The following ZC3H8 variants were observed in gnomAD, a reference collection of about 807,000 sequenced individuals.
ZC3H8 encodes the protein zinc finger CCCH-type containing 8, also known as zinc finger CCCH domain-containing protein 8.
A neutral mutation model predicts 42.5 loss-of-function variants in ZC3H8; 27 were observed. That is an observed-to-expected ratio of 0.64 (90% confidence interval 0.47 to 0.88). ZC3H8 has a LOEUF of 0.88. Among genes scored for constraint, ZC3H8 ranks in the 40% least tolerant of loss-of-function variants. The pLI is 0.00. For missense variants in ZC3H8, 277 were observed against 336.1 expected (o/e 0.82, Z 1.37); for synonymous variants, 101 against 110.1 (o/e 0.92, Z 0.52).
At chr2:112,226,230 A>T (rs540612207) in intron 8 of ZC3H8, among the ~76,000 whole-genome samples, 13 of 151,766 alleles carry the variant, frequency 8.6e-5, no homozygotes, top group South Asian at 4.2e-4. Context: ...TTTTTTTTTT[A>T]AAAAAGAAAA....
At chr2:112,236,501 A>C in intron 4 of ZC3H8, 61 bp downstream of exon 4, 1 of 1,583,068 alleles carries the variant, frequency 6.3e-7, no homozygotes, top group Non-Finnish European at 8.6e-7. Context: ...TCACTGAAGT[A>C]TAAGATCAAG....
chr2:112,251,537 T>C (rs760922710), intron 1 of ZC3H8, among the ~76,000 whole-genome samples: 1 of 152,188 alleles, frequency 6.6e-6, no homozygotes, highest in Non-Finnish European at 1.5e-5. Context: ...ATGACCTCAA[T>C]AGCAGTAACA....
chr2:112,251,209 C>T (rs1685934204), intron 1 of ZC3H8, among the ~76,000 whole-genome samples: 1 of 152,148 alleles, frequency 6.6e-6, no homozygotes, highest in Non-Finnish European at 1.5e-5. Context: ...GAATGTGTCC[C>T]ATCTCAAGAG....
chr2:112,219,223 A>G (rs1458425287), intron 8 of ZC3H8, among the ~76,000 whole-genome samples: 1 of 152,202 alleles, frequency 6.6e-6, no homozygotes, highest in Non-Finnish European at 1.5e-5. Context: ...GTGTGCTAAC[A>G]GCATAAAAGA....
chr2:112,238,812 G>T (rs143578558), intron 2 of ZC3H8, among the ~76,000 whole-genome samples: 1 of 152,176 alleles, frequency 6.6e-6, no homozygotes, highest in African/African-American at 2.4e-5. Context: ...GTGTGCCTTT[G>T]ACTGAATTAA....
chr2:112,216,702 A>T (rs1290536673), intron 8 of ZC3H8, among the ~76,000 whole-genome samples: 1 of 151,680 alleles, frequency 6.6e-6, no homozygotes, highest in Non-Finnish European at 1.5e-5. Flanking sequence ...AAAAAATACA[A>T]ATAATGAGAC....
chr2:112,234,422 C>T (rs552961019), intron 4 of ZC3H8, among the ~76,000 whole-genome samples, 186 bp from the exon 5 acceptor site: 1 of 152,322 alleles, frequency 6.6e-6, no homozygotes, highest in African/African-American at 2.4e-5. Context: ...GTTTCAACAG[C>T]ATTCCATCAT....
intron 2 of ZC3H8, among the ~76,000 whole-genome samples, chr2:112,247,073 C>T (rs1489170317): frequency 6.6e-6 from 1 of 152,210 alleles, no homozygotes; most frequent in Non-Finnish European, 1.5e-5. Context: ...AAGATATATA[C>T]TGTTTTCTAA....
intron 2 of ZC3H8, among the ~76,000 whole-genome samples, chr2:112,244,141 C>T (rs1287420343): frequency 1.3e-5 from 2 of 151,584 alleles, no homozygotes; most frequent in Non-Finnish European, 2.9e-5. Context: ...TTAAGAATGC[C>T]AAGAATGAAG....
In ZC3H8 at chr2:112,214,186, T is replaced by C. The variant is rs1684243395; in HGVS notation, c.*2298A>G. 6.6e-6 allele frequency: 1 copy of C among 152,088 alleles called. No homozygotes were observed. Among genetic ancestry groups the C allele is most frequent in the South Asian group, 2.1e-4 (1 of 4,834 alleles). The allele number at this position is 152,088 out of a possible 1,614,324, so 9.4% of individuals were successfully genotyped here. ...TGGTCTCGATCTCCTGACCTCATGATCCGCCCACCTCGGCCTCCCAAAGTG... is the reference window on the plus strand; with the variant it reads ...TGGTCTCGATCTCCTGACCTCATGACCCGCCCACCTCGGCCTCCCAAAGTG... On this transcript the variant is annotated 3_prime_UTR_variant, in exon 9 of 9. Coordinates refer to ENST00000409573, the MANE Select transcript of ZC3H8 (RefSeq NM_032494.3).
intron 1 of ZC3H8, chr2:112,254,243 T>C (rs530254283): frequency 1.3e-6 from 1 of 764,514 alleles, no homozygotes; most frequent in African/African-American, 1.9e-5. Flanking sequence ...AAGATGGTGG[T>C]TTTTAGCATT....
At chr2:112,233,694 C>A (rs1460690584) in intron 5 of ZC3H8, among the ~76,000 whole-genome samples, 1 of 151,996 alleles carries the variant, frequency 6.6e-6, no homozygotes, top group Non-Finnish European at 1.5e-5. Context: ...GGTGAAACCT[C>A]GTCCCTACTA....
rs1463038552 is a variant in ZC3H8, at chr2:112,250,128, C to T, written c.156+63G>A. ...TCTGTTTTTTCTTTTTTTGTTGTTCCATGTGAAACTGAGAAAAAAAAATCT... is the reference window on the plus strand; with the variant it reads ...TCTGTTTTTTCTTTTTTTGTTGTTCTATGTGAAACTGAGAAAAAAAAATCT... On this transcript the variant is annotated intron_variant, in intron 2 of 8. Coordinates refer to ENST00000409573, the MANE Select transcript of ZC3H8 (RefSeq NM_032494.3). 7 of 1,204,414 alleles carry T rather than the reference C, an allele frequency of 5.8e-6. No individual in the cohort carries two copies. In the African/African-American group the frequency reaches 7.9e-5, roughly 14 times the overall value. 74.6% of individuals were successfully genotyped at this position (1,204,414 alleles called of 1,614,324 possible).
intron 8 of ZC3H8, 48 bp downstream of exon 8, chr2:112,230,855 G>C: frequency 8.2e-7 from 1 of 1,220,254 alleles, no homozygotes; most frequent in Non-Finnish European, 1.1e-6. Context: ...CCAACTTCTG[G>C]AGATGTTCAG....
At position 112,211,721 on chromosome 2, in the gene ZC3H8, C is replaced by T. The variant is rs976420641; in HGVS notation, c.*4763G>A. 1 of 151,828 alleles carries T rather than the reference C, an allele frequency of 6.6e-6. No individual in the cohort carries two copies. Among genetic ancestry groups the T allele is most frequent in the Non-Finnish European group, 1.5e-5 (1 of 67,954 alleles). 9.4% of individuals were successfully genotyped at this position (151,828 alleles called of 1,614,324 possible). On this transcript the variant is annotated 3_prime_UTR_variant, in exon 9 of 9. Transcript: ENST00000409573. The stretch of plus-strand genomic sequence containing the variant: ...TTCAGAGATGTTAAATAATGTGTAG[C>T]TCAGAGTAACATACAATAACTAAAA...
chr2:112,252,988 G>A (rs1156240701), intron 1 of ZC3H8, among the ~76,000 whole-genome samples: 1 of 151,968 alleles, frequency 6.6e-6, no homozygotes, highest in Non-Finnish European at 1.5e-5. Context: ...CTAAAAATAC[G>A]TCGGGCGTGG....
intron 8 of ZC3H8, among the ~76,000 whole-genome samples, chr2:112,223,403 T>C (rs1396310010): frequency 4.0e-5 from 6 of 151,894 alleles, no homozygotes; most frequent in Non-Finnish European, 8.8e-5. Flanking sequence ...ATAAAATAAA[T>C]AAAGCCATTA....
intron 8 of ZC3H8, among the ~76,000 whole-genome samples, chr2:112,227,535 A>G (rs990609896): frequency 6.6e-6 from 1 of 152,232 alleles, no homozygotes; most frequent in African/African-American, 2.4e-5. Flanking sequence ...TCAAAAAACA[A>G]AGGAAGACAT....
chr2:112,245,637 G>C (rs1558932549), intron 2 of ZC3H8, among the ~76,000 whole-genome samples: 1 of 152,198 alleles, frequency 6.6e-6, no homozygotes, highest in Non-Finnish European at 1.5e-5. Context: ...CTGGGTGACA[G>C]AGCAAGACTC....
Sources: allele counts gnomAD v4.1 joint callset (sites outside exome capture counted in the v4.1 genomes callset), GRCh38; gene constraint gnomAD v4.1.1; transcripts MANE v1.5; gene names NCBI Gene and HGNC (gene_info 2026-07-23, HGNC 2026-07-21).